The following PRKCQ variants were observed in gnomAD, a reference collection of about 807,000 sequenced individuals.
PRKCQ encodes protein kinase C theta type.
PRKCQ carries 41 observed loss-of-function variants against 91.2 expected under a neutral mutation model. The observed-to-expected ratio is 0.45, with a 90% CI of 0.35 to 0.58. The LOEUF (loss-of-function observed/expected upper bound fraction) is 0.58, where lower values mean the gene tolerates loss of function less well. PRKCQ is among the 20% of genes least tolerant of loss of function. The pLI is 0.00. For missense variants in PRKCQ, 673 were observed against 896.5 expected (o/e 0.75, Z 3.18); for synonymous variants, 307 against 316.9 (o/e 0.97, Z 0.33).
At chr10:6,475,312 G>A (rs769694028) in intron 12 of PRKCQ, among the ~76,000 whole-genome samples, 1 of 152,192 alleles carries the variant, frequency 6.6e-6, no homozygotes, top group African/African-American at 2.4e-5. Context: ...GGGTAAAGTG[G>A]GTGCCTCAGA....
At chr10:6,572,259 G>T (rs968276467) in intron 1 of PRKCQ, among the ~76,000 whole-genome samples, 18 of 145,690 alleles carry the variant, frequency 1.2e-4, no homozygotes, top group Non-Finnish European at 3.0e-5. Context: ...TGGGATACAG[G>T]TGCAGGACGT....
chr10:6,483,568 C>A lies in PRKCQ; in HGVS notation c.1051G>T (p.Asp351Tyr). ...AGATGGCACATTTTATCCACCTCAT[C>A]CAACGGAGACTCCCAGGAAATGCCC... The part of the protein sequence containing the change: ...PQGISWESPL[D>Y]EVDKMCHLPE... The change falls in exon 11 of 18, where the codon GAT (aspartate) becomes TAT (tyrosine). Residue 351 changes from aspartate to tyrosine, a missense_variant. Asp to Tyr is a radical substitution (Grantham distance 160, BLOSUM62 -3). Transcript: ENST00000263125. The A allele has an allele frequency of 6.2e-7, 1 of 1,614,196 alleles. No individual in the cohort carries two copies. Among genetic ancestry groups the A allele is most frequent in the Non-Finnish European group, 8.5e-7 (1 of 1,180,020 alleles).
In PRKCQ at chr10:6,498,549, T is replaced by C; in HGVS notation, c.389A>G (p.Asp130Gly). ...GCCTTCCGTCTCAAATTCATTCATG[T>C]CCTTTGTGTCTACAGGAAGAGAGAG... ...RYFLEMSDTKDMNEFETEGFF... is the reference protein window; with the variant it reads ...RYFLEMSDTKGMNEFETEGFF... Residue 130 changes from aspartate (D) to glycine (G), a missense_variant, in exon 5 of 18, where the codon GAC (aspartate) becomes GGC (glycine). Coordinates refer to ENST00000263125, the MANE Select transcript of PRKCQ (RefSeq NM_006257.5). 1.2e-6 allele frequency: 2 copies of C among 1,614,046 alleles called. No homozygotes were observed. The highest frequency in any genetic ancestry group is 1.6e-4 in the Middle Eastern group (1 of 6,062).
At chr10:6,519,738 C>G (rs7342024) in intron 1 of PRKCQ, among the ~76,000 whole-genome samples, 1 of 152,050 alleles carries the variant, frequency 6.6e-6, no homozygotes, top group African/African-American at 2.4e-5. Flanking sequence ...ACAACTGTGC[C>G]CCAAAGTGAA....
intron 8 of PRKCQ, among the ~76,000 whole-genome samples, chr10:6,490,694 G>A (rs1164668964): frequency 1.3e-5 from 2 of 152,094 alleles, no homozygotes; most frequent in African/African-American, 4.8e-5. Context: ...GCAGTGAGCT[G>A]TGATCGAGCC....
intron 11 of PRKCQ, among the ~76,000 whole-genome samples, chr10:6,480,486 T>C (rs1035277920): frequency 2.6e-5 from 4 of 152,240 alleles, no homozygotes; most frequent in Admixed American, 2.6e-4. Context: ...AACACACTGT[T>C]GGCAATGGTA....
intron 15 of PRKCQ, among the ~76,000 whole-genome samples, chr10:6,456,187 C>T (rs1564312906): frequency 6.6e-6 from 1 of 152,162 alleles, no homozygotes; most frequent in Admixed American, 6.5e-5. Context: ...CTTTCACACT[C>T]TTTCTCATCT....
At chr10:6,418,515 C>CTA in the PRKCQ span, among the ~76,000 whole-genome samples, 1 of 151,710 alleles carries the variant, frequency 6.6e-6, no homozygotes, top group African/African-American at 2.4e-5. Context: ...GAAGGAATAC[C>CTA]TGCCCACCAC....
At chr10:6,397,314 C>T in the PRKCQ span, among the ~76,000 whole-genome samples, 1 of 152,208 alleles carries the variant, frequency 6.6e-6, no homozygotes. Flanking sequence ...AAGCTGGTCT[C>T]GAACTCCTGA....
chr10:6,409,966 CAG>C, the PRKCQ span, among the ~76,000 whole-genome samples: 7 of 152,192 alleles, frequency 4.6e-5, no homozygotes, highest in African/African-American at 1.2e-4. Flanking sequence ...CCACGACAAA[CAG>C]AAAGTTTAAG....
At chr10:6,563,692 G>A (rs202044886) in intron 1 of PRKCQ, among the ~76,000 whole-genome samples, 2 of 152,104 alleles carry the variant, frequency 1.3e-5, no homozygotes, top group South Asian at 2.1e-4. Flanking sequence ...TTTTCCCTCC[G>A]ACACTCCTCC....
chr10:6,404,392 T>G, the PRKCQ span, among the ~76,000 whole-genome samples: 1 of 58,056 alleles, frequency 1.7e-5, no homozygotes, highest in Non-Finnish European at 4.8e-5. Flanking sequence ...CGTTCTTTCT[T>G]TTCTTTCTTT....
chr10:6,551,223 T>A (rs1425593870), intron 1 of PRKCQ, among the ~76,000 whole-genome samples: 1 of 152,108 alleles, frequency 6.6e-6, no homozygotes, highest in Non-Finnish European at 1.5e-5. Context: ...TCTCATAATT[T>A]AGCTCCCACT....
intron 8 of PRKCQ, among the ~76,000 whole-genome samples, chr10:6,486,563 C>T (rs1836931741): frequency 6.6e-6 from 1 of 152,232 alleles, no homozygotes; most frequent in Non-Finnish European, 1.5e-5. Flanking sequence ...CTACTCTCTG[C>T]CTCTGGGGTA....
the PRKCQ span, among the ~76,000 whole-genome samples, chr10:6,417,711 C>T: frequency 2.0e-5 from 3 of 152,138 alleles, no homozygotes; most frequent in Non-Finnish European, 4.4e-5. Context: ...AGGTGCACAG[C>T]CAGGTGAGAG....
At chr10:6,511,600 T>G (rs1838480720) in intron 2 of PRKCQ, among the ~76,000 whole-genome samples, 1 of 152,294 alleles carries the variant, frequency 6.6e-6, no homozygotes, top group East Asian at 1.9e-4. Flanking sequence ...GAAGTCCATC[T>G]CCATGACCAA....
chr10:6,448,070 A>G (rs774907630), intron 15 of PRKCQ, among the ~76,000 whole-genome samples: 35 of 152,126 alleles, frequency 2.3e-4, no homozygotes, highest in Non-Finnish European at 4.9e-4. Context: ...GAAGCTGGGG[A>G]GGGTTATTTA....
chr10:6,454,466 G>A (rs1834900351), intron 15 of PRKCQ, among the ~76,000 whole-genome samples: 1 of 152,132 alleles, frequency 6.6e-6, no homozygotes, highest in Non-Finnish European at 1.5e-5. Flanking sequence ...TCAGTCACAA[G>A]TTTAGGGCAG....
the PRKCQ span, among the ~76,000 whole-genome samples, chr10:6,415,088 G>A: frequency 1.3e-5 from 2 of 151,792 alleles, no homozygotes; most frequent in African/African-American, 2.4e-5. Context: ...TCAGCCTCCC[G>A]AGTAGCTGGG....
Sources: allele counts gnomAD v4.1 joint callset (sites outside exome capture counted in the v4.1 genomes callset), GRCh38; gene constraint gnomAD v4.1.1; transcripts MANE v1.5; gene names NCBI Gene and HGNC (gene_info 2026-07-23, HGNC 2026-07-21).